The following VSX1 variants were observed in gnomAD, a reference collection of about 807,000 sequenced individuals.
The protein encoded by VSX1 is homeodomain protein RINX.
In VSX1, 23 loss-of-function variants were observed where a neutral mutation model predicts 23.6. The ratio of observed to expected loss-of-function variants is 0.97; its 90% CI spans 0.70 to 1.38. The LOEUF is 1.38. Among genes scored for constraint, VSX1 ranks in the 40% most tolerant of loss-of-function variants. The probability of loss-of-function intolerance (pLI) is 0.00; values close to 1 mark genes in which losing one functional copy is unlikely to be tolerated. For missense variants in VSX1, 517 were observed against 495.4 expected (o/e 1.04, Z -0.41); for synonymous variants, 247 against 215.1 (o/e 1.15, Z -1.30).
At chr20:25,078,560 TTCATTGACATATC>T in intron 3 of VSX1, 6 of 1,363,274 alleles carry the variant, frequency 4.4e-6, no homozygotes, top group South Asian at 3.7e-5. Flanking sequence ...TTTTTTTTTT[TTCATTGACATATC>T]TTTATAGTTT....
chr20:25,079,426 G>A lies in VSX1; in HGVS notation c.503+10C>T. On this transcript the variant is annotated intron_variant, in intron 2 of 4. Coordinates refer to ENST00000376709, the MANE Select transcript of VSX1 (RefSeq NM_014588.6). ...GAAAGGCAGGCAGAGGGGACTGCCT[G>A]GCCCTATACCTGTGCCGCCGCTTCT... The A allele has an allele frequency of 1.2e-6, 2 of 1,609,592 alleles. No individual in the cohort carries two copies. The highest frequency in any genetic ancestry group is 1.7e-6 in the Non-Finnish European group (2 of 1,178,538).
chr20:25,074,731 G>A (rs1417999806), downstream of VSX1, among the ~76,000 whole-genome samples: 1 of 152,124 alleles, frequency 6.6e-6, no homozygotes, highest in Non-Finnish European at 1.5e-5. Context: ...CAGCTTACTG[G>A]TTCCCTCTCC....
In VSX1 at chr20:25,077,617, G is replaced by A; in HGVS notation, c.808+68C>T. On this transcript the variant is annotated intron_variant, in intron 4 of 4. Transcript: ENST00000376709. ...GCTTTGGAAATGGCTGCCTCGGTGGGGACACCCTGGGATTCCCCCACCTCC... is the reference window on the plus strand; with the variant it reads ...GCTTTGGAAATGGCTGCCTCGGTGGAGACACCCTGGGATTCCCCCACCTCC... 3.9e-6 allele frequency: 6 copies of A among 1,526,574 alleles called. No individual in the cohort carries two copies. In the Admixed American group the frequency reaches 7.9e-5, roughly 20 times the overall value. 94.6% of individuals were successfully genotyped at this position (1,526,574 alleles called of 1,614,324 possible). A position where few individuals can be genotyped will look rare whatever the true frequency, so the allele number is the denominator to read the frequency against.
rs1452047578 is a variant in VSX1, at chr20:25,081,952, G to T, written c.145C>A (p.Pro49Thr). ...LEAELPAPAG[P>T]GQGSGCEGPA... ...CCCTCGCAGCCAGATCCCTGTCCTGGGCCAGCGGGCGCCGGCAGCTCGGCC... is the reference window on the plus strand; with the variant it reads ...CCCTCGCAGCCAGATCCCTGTCCTGTGCCAGCGGGCGCCGGCAGCTCGGCC... The change falls in exon 1 of 5, where the codon CCA (proline) becomes ACA (threonine). Residue 49 changes from proline (P) to threonine (T), a missense_variant. Pro to Thr is a conservative substitution (Grantham distance 38). Transcript: ENST00000376709. 8.5e-6 allele frequency: 13 copies of T among 1,532,624 alleles called. No homozygotes were observed. The highest frequency in any genetic ancestry group is 1.1e-5 in the Non-Finnish European group (13 of 1,145,994). 94.9% of individuals were successfully genotyped at this position (1,532,624 alleles called of 1,614,324 possible). A position where few individuals can be genotyped will look rare whatever the true frequency, so the allele number is the denominator to read the frequency against.
At chr20:25,072,079 G>C, downstream of VSX1, 1 of 606,242 alleles carries the variant, frequency 1.6e-6, no homozygotes. Flanking sequence ...GAAAGAGAGA[G>C]GGAAAGGTGG....
chr20:25,079,014 C>T, intron 2 of VSX1, 62 bp from the exon 3 acceptor site: 1 of 1,604,172 alleles, frequency 6.2e-7, no homozygotes, highest in Admixed American at 1.7e-5. Flanking sequence ...GCCTCCCTGG[C>T]CTTAAGGACC....
At chr20:25,074,301 C>G, downstream of VSX1, among the ~76,000 whole-genome samples, 1 of 152,196 alleles carries the variant, frequency 6.6e-6, no homozygotes, top group South Asian at 2.1e-4. Flanking sequence ...TTGGCAAAGC[C>G]GCCTCAAAGA....
rs1268593979 is a variant in VSX1 at position 25,081,873 on chromosome 20, C to A, written c.224G>T (p.Arg75Leu). ...GPGLDGSSLA[R>L]GALPLGLGLL... ...GCCGAGTCCCAGCGGTAGGGCCCCA[C>A]GCGCCAGGCTGGAGCCGTCAAGCCC... The change falls in exon 1 of 5, where the codon CGT (arginine) becomes CTT (leucine). Residue 75 changes from arginine (R) to leucine (L), a missense_variant. By Grantham distance (102) the Arg-to-Leu change is moderately radical (BLOSUM62 -2). Transcript: ENST00000376709. 2 of 1,524,178 alleles carry A rather than the reference C, an allele frequency of 1.3e-6. No homozygotes were observed. The highest frequency in any genetic ancestry group is 1.7e-6 in the Non-Finnish European group (2 of 1,142,990). The allele number at this position is 1,524,178 out of a possible 1,614,324, so 94.4% of individuals were successfully genotyped here.
At position 25,081,685 on chromosome 20, in the gene VSX1, C is replaced by T. The variant is rs111722263; in HGVS notation, c.412G>A (p.Val138Ile). Reference sequence around the variant, plus strand: ...CGGGCCTGATTACCGGACGTGGAGACGCTGTCGCTGCGCTTCTGGCGGCCG... The same window carrying T: ...CGGGCCTGATTACCGGACGTGGAGATGCTGTCGCTGCGCTTCTGGCGGCCG... ...ALGRQKRSDS[V>I]STSDEDSQSE... Residue 138 changes from valine to isoleucine, a missense_variant, in exon 1 of 5, where the codon GTC becomes ATC. Coordinates refer to ENST00000376709, the MANE Select transcript of VSX1 (RefSeq NM_014588.6). 1 of 1,515,478 alleles carries T rather than the reference C, an allele frequency of 6.6e-7. No individual in the cohort carries two copies. Among genetic ancestry groups the T allele is most frequent in the Non-Finnish European group, 8.8e-7 (1 of 1,138,700 alleles). 93.9% of individuals were successfully genotyped at this position (1,515,478 alleles called of 1,614,324 possible). A position where few individuals can be genotyped will look rare whatever the true frequency, so the allele number is the denominator to read the frequency against.
At chr20:25,077,072 G>C (rs1204893635) in intron 4 of VSX1, among the ~76,000 whole-genome samples, 1 of 152,154 alleles carries the variant, frequency 6.6e-6, no homozygotes, top group Non-Finnish European at 1.5e-5. Flanking sequence ...GTGCCCGGAG[G>C]TACTCATCTG....
At position 25,075,590 on chromosome 20, in the gene VSX1, C is replaced by T. The variant is rs2089470693; in HGVS notation, c.*671G>A. On this transcript the variant is annotated 3_prime_UTR_variant, in exon 5 of 5. Coordinates refer to ENST00000376709, the MANE Select transcript of VSX1 (RefSeq NM_014588.6). ...TCACAAATTTTGAAAGACCAAAAGC[C>T]TGGTCTGACCTAAAAACACTGTTTC... 6.6e-6 allele frequency: 1 copy of T among 152,472 alleles called. No individual in the cohort carries two copies. Among genetic ancestry groups the T allele is most frequent in the Admixed American group, 6.5e-5 (1 of 15,286 alleles). 9.4% of individuals were successfully genotyped at this position (152,472 alleles called of 1,614,324 possible). A position where few individuals can be genotyped will look rare whatever the true frequency, so the allele number is the denominator to read the frequency against.
downstream of VSX1, chr20:25,071,245 C>T (rs774768207): frequency 2.2e-6 from 1 of 452,962 alleles, no homozygotes; most frequent in Non-Finnish European, 4.4e-6. Context: ...GCCATGCTAG[C>T]CGAAGGGGAT....
At chr20:25,079,841 A>G (rs1391607165) in intron 1 of VSX1, among the ~76,000 whole-genome samples, 6 of 152,180 alleles carry the variant, frequency 3.9e-5, no homozygotes, top group Non-Finnish European at 8.8e-5. Flanking sequence ...GAAGTTGAGA[A>G]TTCAAATCCC....
At chr20:25,073,559 A>C (rs917152016), downstream of VSX1, among the ~76,000 whole-genome samples, 1 of 152,222 alleles carries the variant, frequency 6.6e-6, no homozygotes, top group Non-Finnish European at 1.5e-5. Context: ...CTAGCCCCAG[A>C]GGTGAATTTT....
Position 25,076,141 on chromosome 20 carries a change from C to A in VSX1, c.*120G>T. 1 of 1,431,380 alleles carries A rather than the reference C, an allele frequency of 7.0e-7. No homozygotes were observed. Among genetic ancestry groups the A allele is most frequent in the South Asian group, 1.2e-5 (1 of 84,486 alleles). The allele number at this position is 1,431,380 out of a possible 1,614,324, so 88.7% of individuals were successfully genotyped here. On this transcript the variant is annotated 3_prime_UTR_variant, in exon 5 of 5. Transcript: ENST00000376709. ...TAAAGCAAGTGGCATTGCATTTTATCTTGACATTGTCAGAAGAAAATCAAA... is the reference window on the plus strand; with the variant it reads ...TAAAGCAAGTGGCATTGCATTTTATATTGACATTGTCAGAAGAAAATCAAA...
In VSX1 at chr20:25,081,876, G is replaced by A; in HGVS notation, c.221C>T (p.Ala74Val). 6.6e-7 allele frequency: 1 copy of A among 1,525,602 alleles called. No homozygotes were observed. The highest frequency in any genetic ancestry group is 8.7e-7 in the Non-Finnish European group (1 of 1,143,392). 94.5% of individuals were successfully genotyped at this position (1,525,602 alleles called of 1,614,324 possible). ...PGPGLDGSSL[A>V]RGALPLGLGL... is the part of the protein sequence containing the mutation. ...GAGTCCCAGCGGTAGGGCCCCACGC[G>A]CCAGGCTGGAGCCGTCAAGCCCCGG... Residue 74 changes from alanine (A) to valine (V), a missense_variant, in exon 1 of 5, where the codon GCG becomes GTG. By Grantham distance (64) the Ala-to-Val change is moderately conservative. Transcript: ENST00000376709.
At chr20:25,078,550 T>A in intron 3 of VSX1, 1 of 1,235,716 alleles carries the variant, frequency 8.1e-7, no homozygotes, top group Admixed American at 3.6e-5. Context: ...GTAGTCTCTT[T>A]TTTTTTTTTT....
chr20:25,070,984 GT>G (rs2122824501), downstream of VSX1: 1 of 453,942 alleles, frequency 2.2e-6, no homozygotes, highest in East Asian at 6.9e-5. Flanking sequence ...GTGAAAAAAA[GT>G]CTTAAAATGT....
At chr20:25,074,982 C>T (rs79100496), downstream of VSX1, among the ~76,000 whole-genome samples, 630 of 152,296 alleles carry the variant, frequency 4.1e-3, 5 homozygotes, top group Middle Eastern at 0.01. Context: ...AGAATTAATA[C>T]AAGAACATAG....
Sources: allele counts gnomAD v4.1 joint callset (sites outside exome capture counted in the v4.1 genomes callset), GRCh38; gene constraint gnomAD v4.1.1; transcripts MANE v1.5; gene names NCBI Gene and HGNC (gene_info 2026-07-23, HGNC 2026-07-21).